The following PLEK2 variants were observed in gnomAD, a reference collection of about 807,000 sequenced individuals.
The protein encoded by PLEK2 is pleckstrin 2, also known as pleckstrin-2.
Under a neutral mutation model 43.8 loss-of-function variants are expected in PLEK2, and 29 were observed. That is an observed-to-expected ratio of 0.66 (90% CI 0.49 to 0.90). The LOEUF (loss-of-function observed/expected upper bound fraction) is 0.90, where lower values mean the gene tolerates loss of function less well. Among genes scored for constraint, PLEK2 ranks in the 40% least tolerant of loss-of-function variants. The pLI is 0.00. For synonymous variants in PLEK2, 162 were observed against 173.2 expected (o/e 0.94, Z 0.51); for missense variants, 398 against 448.1 (o/e 0.89, Z 1.01).
chr14:67,412,081 C>T lies in PLEK2; in HGVS notation c.-22G>A, dbSNP rs769587919. 1.4e-5 allele frequency: 21 copies of T among 1,525,862 alleles called. No homozygotes were observed. Among genetic ancestry groups the T allele is most frequent in the Non-Finnish European group, 1.8e-5 (20 of 1,139,928 alleles). The allele number at this position is 1,525,862 out of a possible 1,614,324, so 94.5% of individuals were successfully genotyped here. On this transcript the variant is annotated 5_prime_UTR_variant, in exon 1 of 9. Transcript: ENST00000216446. ...CCATGTCGCCGCCCGCACGCCAGGG[C>T]CACCCCAGGTGCGCCTTCCCCGCGC...
intron 1 of PLEK2, among the ~76,000 whole-genome samples, chr14:67,403,209 T>C (rs1338279123): frequency 6.6e-6 from 1 of 152,238 alleles, no homozygotes; most frequent in Non-Finnish European, 1.5e-5. Context: ...TTTTTGCCAT[T>C]TGTATGTCTT....
chr14:67,394,857 A>G (rs2085994827), intron 3 of PLEK2, among the ~76,000 whole-genome samples: 1 of 152,152 alleles, frequency 6.6e-6, no homozygotes, highest in African/African-American at 2.4e-5. Flanking sequence ...GTGGCTTTAT[A>G]AGAGGAAGAG....
At chr14:67,390,851 A>G (rs1459556129) in intron 6 of PLEK2, 105 bp from the exon 7 acceptor site, 15 of 809,678 alleles carry the variant, frequency 1.9e-5, no homozygotes, top group Non-Finnish European at 3.1e-5. Flanking sequence ...GCCCGCTCCA[A>G]TGGGACTACA....
In PLEK2 at chr14:67,387,457, C is replaced by A; in HGVS notation, c.935-1G>T. On this transcript the variant is annotated splice_acceptor_variant, in intron 8 of 8. Coordinates refer to ENST00000216446, the MANE Select transcript of PLEK2 (RefSeq NM_016445.3). LOFTEE classifies it high-confidence loss of function. ...TTTCCCTGGACATTCCCTTTAACCC[C>A]TAGGCAGAAAAAAGGGGGAAAAAAA... The A allele has an allele frequency of 1.3e-6, 2 of 1,599,700 alleles. No homozygotes were observed. The highest frequency in any genetic ancestry group is 2.3e-5 in the East Asian group (1 of 43,966).
intron 1 of PLEK2, among the ~76,000 whole-genome samples, chr14:67,410,050 C>T (rs182266706): frequency 1.3e-5 from 2 of 152,138 alleles, no homozygotes; most frequent in Admixed American, 1.3e-4. Flanking sequence ...TCAGCCAAGC[C>T]CCGTCTTTTC....
Position 67,387,416 on chromosome 14 carries a change from A to G in PLEK2, c.975T>C (p.Ile325=). 1.2e-6 allele frequency: 2 copies of G among 1,610,188 alleles called. No homozygotes were observed. Among genetic ancestry groups the G allele is most frequent in the South Asian group, 2.2e-5 (2 of 90,208 alleles). Residue 325 remains isoleucine, a synonymous_variant, in exon 9 of 9, where the codon ATT becomes ATC. Coordinates refer to ENST00000216446, the MANE Select transcript of PLEK2 (RefSeq NM_016445.3). ...TGTAATAGTGTGTGTCATCCTTAGT[A>G]ATCACTTTGAAGAGGTTTCCCTGGA... ...GNVQGNLFKV[I]TKDDTHYYIQ...
Position 67,402,776 on chromosome 14 carries a change from G to C in PLEK2, c.43-4950C>G, listed in dbSNP as rs2086057138. On this transcript the variant is annotated intron_variant, in intron 1 of 8. Coordinates refer to ENST00000216446, the MANE Select transcript of PLEK2 (RefSeq NM_016445.3). ...CAGGATCTCATTCTTTTTTATGGCT[G>C]AATAGTATTCCATTGTATATATGTA... Among the ~76,000 whole-genome samples the C allele has an allele frequency of 2.0e-5, 3 of 152,158 alleles. No individual in the cohort carries two copies. The South Asian group carries it at 6.2e-4, about 32-fold the overall frequency.
Position 67,387,146 on chromosome 14 carries a change from TGAA to T in PLEK2, c.*180_*182del. ...TTCTAGCCTTTCCAGGTTTGTAACATGAAGATGGGGAAGGAAATGGCACCACTG... is the reference window on the plus strand; with the variant it reads ...TTCTAGCCTTTCCAGGTTTGTAACATGATGGGGAAGGAAATGGCACCACTG... On this transcript the variant is annotated 3_prime_UTR_variant, in exon 9 of 9. Coordinates refer to ENST00000216446, the MANE Select transcript of PLEK2 (RefSeq NM_016445.3). 5.7e-6 allele frequency: 3 copies of T among 523,724 alleles called. No homozygotes were observed. The highest frequency in any genetic ancestry group is 9.8e-6 in the Non-Finnish European group (3 of 307,460). 32.4% of individuals were successfully genotyped at this position (523,724 alleles called of 1,614,324 possible).
At chr14:67,402,674 T>C (rs1304482238) in intron 1 of PLEK2, among the ~76,000 whole-genome samples, 1 of 152,238 alleles carries the variant, frequency 6.6e-6, no homozygotes, top group Non-Finnish European at 1.5e-5. Context: ...TGAGAACATG[T>C]GACATTTGTC....
rs1336834984 is a variant in PLEK2, at chr14:67,392,831, C to T, written c.500G>A (p.Trp167Ter). The T allele has an allele frequency of 1.9e-6, 3 of 1,612,044 alleles. No individual in the cohort carries two copies. In the African/African-American group the frequency reaches 4.0e-5, roughly 22 times the overall value. ...GGCCGTGAAGCTGTTGGAGATGAGC[C>T]AGTCCACCAGGGAGGAGCCTGGCCA... The part of the protein sequence containing the change: ...KTFLGSSLVD[W>*]LISNSFTASR... Residue 167 changes from tryptophan (W) to a stop codon, truncating the protein, a stop_gained, in exon 5 of 9, where the codon TGG becomes TAG. Transcript: ENST00000216446. LOFTEE classifies it high-confidence loss of function.
chr14:67,394,834 G>A (rs1173602729), intron 3 of PLEK2, among the ~76,000 whole-genome samples: 2 of 152,178 alleles, frequency 1.3e-5, no homozygotes, highest in Non-Finnish European at 2.9e-5. Flanking sequence ...GAATTATCAT[G>A]GGAATGGGAC....
At chr14:67,390,817 T>A in intron 6 of PLEK2, 71 bp from the exon 7 acceptor site, 1 of 1,084,638 alleles carries the variant, frequency 9.2e-7, no homozygotes, top group Non-Finnish European at 1.4e-6. Flanking sequence ...TCTATGCATG[T>A]AATGCCAAAC....
At chr14:67,393,105 T>C (rs767307075) in intron 4 of PLEK2, 45 bp downstream of exon 4, 26 of 1,377,618 alleles carry the variant, frequency 1.9e-5, no homozygotes, top group Non-Finnish European at 2.6e-5. Flanking sequence ...TGCATCACCA[T>C]GTCCCAGCTT....
In PLEK2 at chr14:67,387,415, T is replaced by C. The variant is rs370186173; in HGVS notation, c.976A>G (p.Thr326Ala). Residue 326 changes from threonine to alanine, a missense_variant, in exon 9 of 9, where the codon ACT (threonine) becomes GCT (alanine). Physicochemically the swap from Thr to Ala is moderately conservative, Grantham distance 58 (BLOSUM62 0). Transcript: ENST00000216446. ...ATGTAATAGTGTGTGTCATCCTTAGTAATCACTTTGAAGAGGTTTCCCTGG... is the reference window on the plus strand; with the variant it reads ...ATGTAATAGTGTGTGTCATCCTTAGCAATCACTTTGAAGAGGTTTCCCTGG... ...NVQGNLFKVI[T>A]KDDTHYYIQA... is the part of the protein sequence containing the mutation. The C allele has an allele frequency of 1.2e-6, 2 of 1,610,350 alleles. No individual in the cohort carries two copies. Among genetic ancestry groups the C allele is most frequent in the African/African-American group, 2.7e-5 (2 of 74,712 alleles).
At chr14:67,403,130 G>A (rs2086059563) in intron 1 of PLEK2, among the ~76,000 whole-genome samples, 1 of 152,220 alleles carries the variant, frequency 6.6e-6, no homozygotes. Flanking sequence ...GGGGTGAGAT[G>A]ATATCCCATT....
intron 1 of PLEK2, chr14:67,398,119 C>T: frequency 3.6e-6 from 1 of 277,912 alleles, no homozygotes; most frequent in Non-Finnish European, 6.7e-6. Context: ...ACAGCCATTG[C>T]TAACATATTG....
intron 1 of PLEK2, among the ~76,000 whole-genome samples, chr14:67,398,387 C>T (rs940753235): frequency 6.6e-6 from 1 of 152,152 alleles, no homozygotes; most frequent in Non-Finnish European, 1.5e-5. Flanking sequence ...TCCCCATCCA[C>T]TGATTTTTCT....
rs1470926489 is a variant in PLEK2, at chr14:67,412,093, C to A, written c.-34G>T. 2.7e-6 allele frequency: 4 copies of A among 1,489,366 alleles called. No homozygotes were observed. The highest frequency in any genetic ancestry group is 3.6e-6 in the Non-Finnish European group (4 of 1,121,364). The allele number at this position is 1,489,366 out of a possible 1,614,324, so 92.3% of individuals were successfully genotyped here. On this transcript the variant is annotated 5_prime_UTR_variant, in exon 1 of 9. Coordinates refer to ENST00000216446, the MANE Select transcript of PLEK2 (RefSeq NM_016445.3). ...CCGCACGCCAGGGCCACCCCAGGTG[C>A]GCCTTCCCCGCGCCTCGCGCTCCTC...
intron 1 of PLEK2, among the ~76,000 whole-genome samples, chr14:67,402,995 A>T (rs1398589704): frequency 1.3e-5 from 2 of 152,164 alleles, no homozygotes; most frequent in African/African-American, 4.8e-5. Context: ...AGGAGCCTCT[A>T]AATTGTTCTG....
Sources: gnomAD v4.1 joint callset for allele counts (sites outside exome capture counted in the v4.1 genomes callset) on GRCh38, gnomAD v4.1.1 for gene constraint, MANE v1.5 for transcripts, NCBI Gene and HGNC (gene_info 2026-07-23, HGNC 2026-07-21) for gene names.